The following KCNQ5 variants were observed in gnomAD, a reference collection of about 807,000 sequenced individuals.
KCNQ5 encodes potassium voltage-gated channel subfamily Q member 5.
A neutral mutation model predicts 98.2 loss-of-function variants in KCNQ5; 30 were observed. The observed-to-expected ratio is 0.31, with a 90% CI of 0.23 to 0.41. KCNQ5 has a LOEUF of 0.41. Among genes scored for constraint, KCNQ5 ranks in the 10% least tolerant of loss-of-function variants. The pLI, the probability that KCNQ5 is intolerant of heterozygous loss-of-function variation, is 1.00. For missense variants in KCNQ5, 835 were observed against 1,182.5 expected (o/e 0.71, Z 4.31); for synonymous variants, 458 against 449.4 (o/e 1.02, Z -0.24).
At chr6:73,114,644 A>G (rs892166122) in intron 7 of KCNQ5, among the ~76,000 whole-genome samples, 4 of 152,168 alleles carry the variant, frequency 2.6e-5, no homozygotes, top group African/African-American at 9.7e-5. Flanking sequence ...CTTCTAATAC[A>G]TTATGTTACT....
intron 7 of KCNQ5, among the ~76,000 whole-genome samples, chr6:73,117,614 A>G (rs906802398): frequency 2.0e-5 from 3 of 152,174 alleles, no homozygotes; most frequent in Admixed American, 6.5e-5. Flanking sequence ...GTATCTAATA[A>G]TGTGCAGACC....
rs570009293 is a variant in KCNQ5 at position 73,016,452 on chromosome 6, A to C, written c.489+12454A>C. On this transcript the variant is annotated intron_variant, in intron 2 of 13. Coordinates refer to ENST00000370398, the MANE Select transcript of KCNQ5 (RefSeq NM_019842.4). ...CTGACTCAGTGACACCACTTAATACAGTAATAGTTGGTGGCAAATCATCAG... is the reference window on the plus strand; with the variant it reads ...CTGACTCAGTGACACCACTTAATACCGTAATAGTTGGTGGCAAATCATCAG... Among the ~76,000 whole-genome samples the C allele has an allele frequency of 2.0e-5, 3 of 152,268 alleles. No homozygotes were observed. In the South Asian group the frequency reaches 6.2e-4, roughly 32 times the overall value.
rs145976096 is a variant in KCNQ5, at chr6:72,999,505, A to G, written c.399-4403A>G. On this transcript the variant is annotated intron_variant, in intron 1 of 13. Coordinates refer to ENST00000370398, the MANE Select transcript of KCNQ5 (RefSeq NM_019842.4). ...ATGATACCTCAGGATTAACGTATAC[A>G]TGGAAAAACATTCATATATTTTAAA... is the stretch of plus-strand genomic sequence containing the variant. Among the ~76,000 whole-genome samples, 274 of 152,328 alleles carry G rather than the reference A, an allele frequency of 1.8e-3. 2 individuals carry two copies. Among genetic ancestry groups the G allele is most frequent in the African/African-American group, 6.2e-3 (258 of 41,586 alleles).
chr6:73,050,561 A>T (rs940611370), intron 3 of KCNQ5, among the ~76,000 whole-genome samples: 2 of 152,172 alleles, frequency 1.3e-5, no homozygotes, highest in Non-Finnish European at 2.9e-5. Flanking sequence ...ACTATTAGCT[A>T]TAGTCTTTAT....
chr6:73,084,618 T>C (rs1028418060), intron 5 of KCNQ5, among the ~76,000 whole-genome samples: 6 of 152,242 alleles, frequency 3.9e-5, no homozygotes, highest in Non-Finnish European at 7.3e-5. Context: ...GAAATGTTTC[T>C]AGAAAACGAA....
chr6:72,626,110 C>T (rs548774021), intron 1 of KCNQ5, among the ~76,000 whole-genome samples: 70 of 152,308 alleles, frequency 4.6e-4, no homozygotes, highest in African/African-American at 1.5e-3. Context: ...GGCCTCCACT[C>T]TGGAGGAAGG....
chr6:72,658,871 C>T (rs978684911), intron 1 of KCNQ5, among the ~76,000 whole-genome samples: 29 of 152,184 alleles, frequency 1.9e-4, no homozygotes, highest in African/African-American at 5.8e-4. Context: ...TGAGCCACCT[C>T]GCCCAGCCTA....
At chr6:72,953,194 A>G (rs1205166437) in intron 1 of KCNQ5, among the ~76,000 whole-genome samples, 5 of 152,214 alleles carry the variant, frequency 3.3e-5, no homozygotes, top group Admixed American at 6.5e-5. Flanking sequence ...GCCACATAAC[A>G]AGAAACTTCT....
At chr6:73,174,544 C>T (rs1778142280) in intron 11 of KCNQ5, among the ~76,000 whole-genome samples, 2 of 152,186 alleles carry the variant, frequency 1.3e-5, no homozygotes. Context: ...CAAATGAATA[C>T]ATGAATAAGG....
At chr6:73,020,940 A>G (rs1399384020) in intron 2 of KCNQ5, among the ~76,000 whole-genome samples, 2 of 151,804 alleles carry the variant, frequency 1.3e-5, no homozygotes, top group Admixed American at 6.6e-5. Flanking sequence ...ACACACAGTC[A>G]TGTGCTACAT....
At chr6:72,867,476 G>A (rs1778034071) in intron 1 of KCNQ5, among the ~76,000 whole-genome samples, 1 of 152,074 alleles carries the variant, frequency 6.6e-6, no homozygotes, top group Non-Finnish European at 1.5e-5. Flanking sequence ...GTGTGTTTAG[G>A]GCATACTTGA....
At chr6:72,994,262 G>A (rs1211591825) in intron 1 of KCNQ5, among the ~76,000 whole-genome samples, 1 of 61,212 alleles carries the variant, frequency 1.6e-5, no homozygotes, top group Non-Finnish European at 3.0e-5. Flanking sequence ...CCCCAGCCTC[G>A]TTGCCGCCTT....
At chr6:73,101,222 T>G (rs1774758616) in intron 5 of KCNQ5, among the ~76,000 whole-genome samples, 1 of 152,102 alleles carries the variant, frequency 6.6e-6, no homozygotes, top group Non-Finnish European at 1.5e-5. Flanking sequence ...TAATGAACAT[T>G]GATGGAAAAA....
intron 1 of KCNQ5, among the ~76,000 whole-genome samples, chr6:72,950,685 G>T (rs763997397): frequency 2.7e-5 from 4 of 146,094 alleles, no homozygotes; most frequent in Admixed American, 2.7e-4. Context: ...TGTGTGTGTC[G>T]GAGGGCATTG....
chr6:72,911,048 G>T (rs927686648), intron 1 of KCNQ5, among the ~76,000 whole-genome samples: 2 of 152,158 alleles, frequency 1.3e-5, no homozygotes, highest in Admixed American at 6.5e-5. Flanking sequence ...TACTAACCAA[G>T]AAGTTTTTAA....
intron 1 of KCNQ5, among the ~76,000 whole-genome samples, chr6:72,693,537 T>C (rs1026076964): frequency 1.3e-5 from 2 of 151,926 alleles, no homozygotes; most frequent in Non-Finnish European, 2.9e-5. Context: ...AGTTTTTCTC[T>C]GGAGGAAAAA....
At chr6:72,864,281 A>T (rs529978709) in intron 1 of KCNQ5, among the ~76,000 whole-genome samples, 85 of 152,056 alleles carry the variant, frequency 5.6e-4, no homozygotes, top group African/African-American at 1.7e-3. Flanking sequence ...TTTTCTTTTT[A>T]TTATCATTAA....
intron 1 of KCNQ5, among the ~76,000 whole-genome samples, chr6:72,985,740 G>C (rs890503101): frequency 1.3e-5 from 2 of 152,152 alleles, no homozygotes; most frequent in Non-Finnish European, 2.9e-5. Context: ...ACTTTGGAAA[G>C]CAGTTTAGAG....
At chr6:72,772,934 G>A (rs1204356589) in intron 1 of KCNQ5, among the ~76,000 whole-genome samples, 3 of 152,252 alleles carry the variant, frequency 2.0e-5, no homozygotes, top group Admixed American at 2.0e-4. Flanking sequence ...GTTCTTTATA[G>A]ATCTCTAACA....
Sources: allele counts gnomAD v4.1 joint callset (sites outside exome capture counted in the v4.1 genomes callset), GRCh38; gene constraint gnomAD v4.1.1; transcripts MANE v1.5; gene names NCBI Gene and HGNC (gene_info 2026-07-23, HGNC 2026-07-21).